The following RAP1GAP2 variants were observed in gnomAD, a reference collection of about 807,000 sequenced individuals.
RAP1GAP2 encodes the protein RAP1 GTPase activating protein 2.
A neutral mutation model predicts 95.0 loss-of-function variants in RAP1GAP2; 27 were observed. That is an observed-to-expected ratio of 0.28 (90% CI 0.21 to 0.39). The LOEUF (loss-of-function observed/expected upper bound fraction) is 0.39. RAP1GAP2 is among the 10% of genes least tolerant of loss of function. RAP1GAP2 has a pLI of 1.00. For synonymous variants in RAP1GAP2, 373 were observed against 380.9 expected, an observed-to-expected ratio of 0.98 and a Z score of 0.24; for missense variants, 771 against 970.0, an observed-to-expected ratio of 0.79 and a Z score of 2.72.
In RAP1GAP2 at chr17:2,870,560, G is replaced by A. The variant is rs559426804; in HGVS notation, c.81-34724G>A. 1.1e-4 allele frequency among the ~76,000 whole-genome samples: 16 copies of A among 152,244 alleles called. No individual in the cohort carries two copies. The highest frequency in any genetic ancestry group is 3.4e-4 in the African/African-American group (14 of 41,550). On this transcript the variant is annotated intron_variant, in intron 2 of 24. Coordinates refer to ENST00000254695, the MANE Select transcript of RAP1GAP2 (RefSeq NM_015085.5). This position sits in a 1 kb window ranked among gnomAD's most constrained non-coding sequence, Gnocchi z 4.4. ...CAAGGGAGACTGTAGAGATATTAAC[G>A]TTTAATATTTTTTTTGTGGTCTTTT...
In RAP1GAP2 at chr17:2,866,783, A is replaced by G. The variant is rs1219986813; in HGVS notation, c.81-38501A>G. 6.6e-6 allele frequency among the ~76,000 whole-genome samples: 1 copy of G among 151,960 alleles called. No individual in the cohort carries two copies. The highest frequency in any genetic ancestry group is 2.4e-5 in the African/African-American group (1 of 41,338). On this transcript the variant is annotated intron_variant, in intron 2 of 24. Coordinates refer to ENST00000254695, the MANE Select transcript of RAP1GAP2 (RefSeq NM_015085.5). The surrounding 1 kb of genome is among the most constrained non-coding windows in gnomAD (Gnocchi z 4.0). ...TCCGGCTAATTTTTATGTTTTTAGT[A>G]GAGATGGGGTTTCACCACGTTGGCC...
At chr17:2,920,031 C>T (rs1270409100) in intron 3 of RAP1GAP2, among the ~76,000 whole-genome samples, 1 of 134,546 alleles carries the variant, frequency 7.4e-6, no homozygotes, top group Non-Finnish European at 1.6e-5. Context: ...TTTTTTGAGA[C>T]AGGTTCTCTG....
rs67341896 is a variant in RAP1GAP2 at position 2,861,650 on chromosome 17, T to TG, written c.81-43624dup. On this transcript the variant is annotated intron_variant, in intron 2 of 24. Coordinates refer to ENST00000254695, the MANE Select transcript of RAP1GAP2 (RefSeq NM_015085.5). ...GCCCAGCTAATTTTTGTATTTTTTTTGGGGGGGGGGACGGAGTCTCGCTCT... is the reference window on the plus strand; with the variant it reads ...GCCCAGCTAATTTTTGTATTTTTTTTGGGGGGGGGGGACGGAGTCTCGCTCT... 4.7e-4 allele frequency among the ~76,000 whole-genome samples: 66 copies of TG among 140,170 alleles called. No homozygotes were observed. The South Asian group carries it at 6.9e-3, about 15-fold the overall frequency. The allele number at this position is 140,170 out of a possible 152,430, so 92.0% of individuals were successfully genotyped here.
rs779839694 is a variant in RAP1GAP2 at position 2,871,960 on chromosome 17, ACGCCTGGAATCTCAGCG to A, written c.81-33322_81-33306del. On this transcript the variant is annotated intron_variant, in intron 2 of 24. Transcript: ENST00000254695. The surrounding 1 kb of genome is among the most constrained non-coding windows in gnomAD (Gnocchi z 5.0). ...ATGATGAGGCCAGGCGTGGTGGCTC[ACGCCTGGAATCTCAGCG>A]CTTTTGGAGGCTGAGGTGGGTGAAT... Among the ~76,000 whole-genome samples the A allele has an allele frequency of 1.7e-4, 26 of 152,288 alleles. No individual in the cohort carries two copies. Among genetic ancestry groups the A allele is most frequent in the Non-Finnish European group, 3.4e-4 (23 of 68,036 alleles).
chr17:2,991,223 G>A lies in RAP1GAP2; in HGVS notation c.814-74G>A. 4 of 1,182,886 alleles carry A rather than the reference G, an allele frequency of 3.4e-6. No individual in the cohort carries two copies. The South Asian group carries it at 5.2e-5, about 15-fold the overall frequency. 73.3% of individuals were successfully genotyped at this position (1,182,886 alleles called of 1,614,324 possible). A position where few individuals can be genotyped will look rare whatever the true frequency, so the allele number is the denominator to read the frequency against. ...AAGGAAGAAAGGGACCAGGTACCTG[G>A]GCATCCATATTCCTTCCTTTAGCAT... On this transcript the variant is annotated intron_variant, in intron 11 of 24. Coordinates refer to ENST00000254695, the MANE Select transcript of RAP1GAP2 (RefSeq NM_015085.5).
chr17:3,011,538 G>T (rs530127002), intron 17 of RAP1GAP2, among the ~76,000 whole-genome samples: 2 of 151,746 alleles, frequency 1.3e-5, no homozygotes, highest in African/African-American at 4.8e-5. Flanking sequence ...TCCTGGGATC[G>T]CTCTTGAAAC....
At chr17:3,006,074 G>T in intron 16 of RAP1GAP2, 33 bp downstream of exon 16, 2 of 1,547,830 alleles carry the variant, frequency 1.3e-6, no homozygotes, top group South Asian at 2.2e-5. Flanking sequence ...TCTCCCTCCT[G>T]ACTGCTGGGC....
Position 2,965,120 on chromosome 17 carries a change from C to T in RAP1GAP2, c.493-420C>T, listed in dbSNP as rs569131575. On this transcript the variant is annotated intron_variant, in intron 7 of 24. Coordinates refer to ENST00000254695, the MANE Select transcript of RAP1GAP2 (RefSeq NM_015085.5). The surrounding 1 kb of genome is among the most constrained non-coding windows in gnomAD (Gnocchi z 4.7). ...CCAGATAGTGTGAACTGGTGAGGGC[C>T]GCCCCATGGGAATGAGAATGTGGAC... 7.4e-5 allele frequency: 14 copies of T among 188,090 alleles called. No homozygotes were observed. In the South Asian group the frequency reaches 1.3e-3, roughly 17 times the overall value. 11.7% of individuals were successfully genotyped at this position (188,090 alleles called of 1,614,324 possible).
At chr17:2,994,641 T>C (rs997562845) in intron 12 of RAP1GAP2, among the ~76,000 whole-genome samples, 6 of 152,348 alleles carry the variant, frequency 3.9e-5, no homozygotes, top group Middle Eastern at 3.4e-3. Context: ...GGCAGAGGAC[T>C]TGGACATGGC....
chr17:2,895,247 C>T (rs894586072), intron 2 of RAP1GAP2, among the ~76,000 whole-genome samples: 15 of 152,164 alleles, frequency 9.9e-5, no homozygotes, highest in Non-Finnish European at 1.5e-4. Context: ...CAGGTGCCCT[C>T]GGGGGCCCGC....
At chr17:2,842,561 T>G (rs112292064) in intron 2 of RAP1GAP2, among the ~76,000 whole-genome samples, 1 of 145,378 alleles carries the variant, frequency 6.9e-6, no homozygotes, top group Non-Finnish European at 1.5e-5. Flanking sequence ...AATACCACTT[T>G]TACTACCCTC....
chr17:2,903,683 T>C lies in RAP1GAP2; in HGVS notation c.81-1601T>C, dbSNP rs967980671. Among the ~76,000 whole-genome samples the C allele has an allele frequency of 6.6e-6, 1 of 152,090 alleles. No homozygotes were observed. The highest frequency in any genetic ancestry group is 1.5e-5 in the Non-Finnish European group (1 of 67,992). On this transcript the variant is annotated intron_variant, in intron 2 of 24. Coordinates refer to ENST00000254695, the MANE Select transcript of RAP1GAP2 (RefSeq NM_015085.5). This position sits in a 1 kb window ranked among gnomAD's most constrained non-coding sequence, Gnocchi z 4.1. ...ACAGGGATTGCCAGGTTCAGGTTAA[T>C]GGGGTGGAATGGATTCTCTGCCAAG...
chr17:2,861,563 G>C (rs984936401), intron 2 of RAP1GAP2, among the ~76,000 whole-genome samples: 1 of 151,308 alleles, frequency 6.6e-6, no homozygotes, highest in Non-Finnish European at 1.5e-5. Context: ...TGCCTTCCAG[G>C]TTCAAGCGAT....
At chr17:2,891,814 CTTTTTTTTTTTTTT>C (rs917540694) in intron 2 of RAP1GAP2, among the ~76,000 whole-genome samples, 1 of 54,288 alleles carries the variant, frequency 1.8e-5, no homozygotes, top group Non-Finnish European at 3.6e-5. Context: ...TATTTCTTTT[CTTTTTTTTTTTTTT>C]TTTTTTTTTT....
chr17:3,026,145 G>T (rs755369422), intron 20 of RAP1GAP2, 24 bp downstream of exon 20: 2 of 1,555,808 alleles, frequency 1.3e-6, no homozygotes, highest in Non-Finnish European at 1.8e-6. Context: ...GGTGGGAAAG[G>T]CCAGCTTCGG....
At chr17:2,875,665 C>T (rs1261408382) in intron 2 of RAP1GAP2, among the ~76,000 whole-genome samples, 1 of 152,064 alleles carries the variant, frequency 6.6e-6, no homozygotes, top group Non-Finnish European at 1.5e-5. Flanking sequence ...TCAACATTGC[C>T]TTTTTTTCTC....
intron 3 of RAP1GAP2, among the ~76,000 whole-genome samples, chr17:2,950,845 A>G (rs2043899034): frequency 6.6e-6 from 1 of 152,022 alleles, no homozygotes; most frequent in African/African-American, 2.4e-5. Flanking sequence ...TCCTGACCTC[A>G]AGTGATCCAC....
In RAP1GAP2 at chr17:2,797,900, G is replaced by T. The variant is rs2069141234; in HGVS notation, c.44+1329G>T. 1.7e-6 allele frequency: 1 copy of T among 588,756 alleles called. No homozygotes were observed. The highest frequency in any genetic ancestry group is 6.4e-5 in the Admixed American group (1 of 15,728). 36.5% of individuals were successfully genotyped at this position (588,756 alleles called of 1,614,324 possible). On this transcript the variant is annotated intron_variant, in intron 1 of 24. Transcript: ENST00000254695. The surrounding 1 kb of genome is among the most constrained non-coding windows in gnomAD (Gnocchi z 5.6). ...CAGCAATTAGATTGTGCCCTCCAAG[G>T]CCCGCCTTTCTCTGGGAGGTGTGGA...
Position 2,857,423 on chromosome 17 carries a change from T to C in RAP1GAP2, c.81-47861T>C, listed in dbSNP as rs183710418. On this transcript the variant is annotated intron_variant, in intron 2 of 24. Coordinates refer to ENST00000254695, the MANE Select transcript of RAP1GAP2 (RefSeq NM_015085.5). This position sits in a 1 kb window ranked among gnomAD's most constrained non-coding sequence, Gnocchi z 4.0. Reference sequence around the variant, plus strand: ...CTAGGAGACTCCCAGCTAGTCTTGGTAGTTCCCAAGAACTGTGCTCCAGGC... The same window carrying C: ...CTAGGAGACTCCCAGCTAGTCTTGGCAGTTCCCAAGAACTGTGCTCCAGGC... 1.3e-5 allele frequency among the ~76,000 whole-genome samples: 2 copies of C among 152,346 alleles called. No individual in the cohort carries two copies. Among genetic ancestry groups the C allele is most frequent in the East Asian group, 3.9e-4 (2 of 5,184 alleles).
Sources: gnomAD v4.1 joint callset for allele counts (sites outside exome capture counted in the v4.1 genomes callset) on GRCh38, gnomAD v4.1.1 for gene constraint, Gnocchi (gnomAD v3.1) non-coding constraint, MANE v1.5 for transcripts, NCBI Gene and HGNC (gene_info 2026-07-23, HGNC 2026-07-21) for gene names.